The following RAB11FIP1 variants were observed in gnomAD, a reference collection of about 807,000 sequenced individuals.
RAB11FIP1 encodes RAB11 family interacting protein 1, also known as rab11 family-interacting protein 1.
RAB11FIP1 carries 49 observed loss-of-function variants against 83.1 expected under a neutral mutation model. That is an observed-to-expected ratio of 0.59 (90% CI 0.47 to 0.75). The LOEUF is 0.75. Ranked by LOEUF, RAB11FIP1 falls within the 30% of genes least tolerant of loss-of-function variation. The pLI is 0.00. For missense variants in RAB11FIP1, 1,536 were observed against 1,598.7 expected (o/e 0.96, Z 0.67); for synonymous variants, 670 against 656.0 (o/e 1.02, Z -0.33).
chr8:37,874,901 C>T lies in RAB11FIP1; in HGVS notation c.1236G>A (p.Met412Ile), dbSNP rs751747962. Residue 412 changes from methionine (M) to isoleucine (I), a missense_variant, in exon 3 of 6, where the codon ATG becomes ATA. By Grantham distance (10) the Met-to-Ile change is conservative. Coordinates refer to ENST00000330843, the MANE Select transcript of RAB11FIP1 (RefSeq NM_001002814.3). ...PLVSGDLREN[M>I]APANSEATKE... ...TTGTGGCCTCTGAGTTTGCGGGGGC[C>T]ATGTTTTCCCTGAGGTCCCCACTGA... The T allele has an allele frequency of 1.2e-6, 2 of 1,614,146 alleles. No individual in the cohort carries two copies. The highest frequency in any genetic ancestry group is 1.1e-5 in the South Asian group (1 of 91,078).
At position 37,872,490 on chromosome 8, in the gene RAB11FIP1, ACTT is replaced by A. The variant is rs1806493369; in HGVS notation, c.2309_2311del (p.Glu770del). 1 of 1,613,994 alleles carries A rather than the reference ACTT, an allele frequency of 6.2e-7. No individual in the cohort carries two copies. The highest frequency in any genetic ancestry group is 1.3e-5 in the African/African-American group (1 of 74,894). On this transcript the variant is annotated inframe_deletion, in exon 4 of 6. Coordinates refer to ENST00000330843, the MANE Select transcript of RAB11FIP1 (RefSeq NM_001002814.3). ...TGCTCCCATGGGAAGAGGGGGCGCC[ACTT>A]CTTCAGCTGCATCCCTGGCTTTGCT...
chr8:37,876,057 T>C lies in RAB11FIP1; in HGVS notation c.815-735A>G, dbSNP rs553256026. ...TAAAAATACAAAAATTCACCGGGTG[T>C]GGTGGCACGGACCTGGAATCCCAGC... On this transcript the variant is annotated intron_variant, in intron 2 of 5. Coordinates refer to ENST00000330843, the MANE Select transcript of RAB11FIP1 (RefSeq NM_001002814.3). Among the ~76,000 whole-genome samples, 3 of 151,954 alleles carry C rather than the reference T, an allele frequency of 2.0e-5. No individual in the cohort carries two copies. The South Asian group carries it at 6.2e-4, about 32-fold the overall frequency.
intron 1 of RAB11FIP1, among the ~76,000 whole-genome samples, chr8:37,881,287 C>T (rs530115397): frequency 1.3e-5 from 2 of 148,720 alleles, no homozygotes; most frequent in South Asian, 4.1e-4. Context: ...ATCAGTTTCC[C>T]CTATTCTTTC....
Position 37,875,053 on chromosome 8 carries a change from C to T in RAB11FIP1, c.1084G>A (p.Ala362Thr). ...KHLFSSTENL[A>T]AGSWKEPAEG... ...GCAGGCTCCTTCCAAGACCCAGCCG[C>T]CAGGTTCTCTGTAGAAGAGAACAAA... The change falls in exon 3 of 6, where the codon GCG (alanine) becomes ACG (threonine). Residue 362 changes from alanine (A) to threonine (T), a missense_variant. Physicochemically the swap from Ala to Thr is moderately conservative, Grantham distance 58. Transcript: ENST00000330843. The T allele has an allele frequency of 6.2e-7, 1 of 1,614,176 alleles. No individual in the cohort carries two copies. The highest frequency in any genetic ancestry group is 2.2e-5 in the East Asian group (1 of 44,874).
rs757767892 is a variant in RAB11FIP1 at position 37,899,373 on chromosome 8, C to G, written c.69G>C (p.Thr23=). The G allele has an allele frequency of 5.6e-6, 9 of 1,604,114 alleles. No homozygotes were observed. Among genetic ancestry groups the G allele is most frequent in the South Asian group, 3.3e-5 (3 of 90,470 alleles). Residue 23 remains threonine, a synonymous_variant, in exon 1 of 6, where the codon ACG becomes ACC. Coordinates refer to ENST00000330843, the MANE Select transcript of RAB11FIP1 (RefSeq NM_001002814.3). The surrounding 1 kb of genome is among the most constrained non-coding windows in gnomAD (Gnocchi z 4.5). ...AVWSPTHVQV[T]VLQARGLRAK... ...CCCGCAGGCCCCGCGCCTGCAGCACCGTCACCTGCACGTGGGTTGGGGACC... is the reference window on the plus strand; with the variant it reads ...CCCGCAGGCCCCGCGCCTGCAGCACGGTCACCTGCACGTGGGTTGGGGACC...
rs148538236 is a variant in RAB11FIP1 at position 37,870,563 on chromosome 8, C to T, written c.3525-35G>A. The stretch of plus-strand genomic sequence containing the variant: ...AGGGGAAAAGGATCTTTAGACCCTC[C>T]GGTCATGGCAAAACTGAGCAACTGC... On this transcript the variant is annotated intron_variant, in intron 4 of 5. Transcript: ENST00000330843. 2.6e-4 allele frequency: 311 copies of T among 1,197,832 alleles called. No individual in the cohort carries two copies. In the African/African-American group the frequency reaches 4.2e-3, roughly 16 times the overall value. 74.2% of individuals were successfully genotyped at this position (1,197,832 alleles called of 1,614,324 possible).
In RAB11FIP1 at chr8:37,875,130, T is replaced by C; in HGVS notation, c.1007A>G (p.Lys336Arg). ...LEQPEAKGEI[K>R]DSSPSSSPSP... ...TGGGGAGGAGGACGGGCTGCTATCC[T>C]TGATCTCACCCTTGGCTTCTGGCTG... is the stretch of plus-strand genomic sequence containing the variant. Residue 336 changes from lysine to arginine, a missense_variant, in exon 3 of 6, where the codon AAG becomes AGG. Physicochemically the swap from Lys to Arg is conservative, Grantham distance 26. Coordinates refer to ENST00000330843, the MANE Select transcript of RAB11FIP1 (RefSeq NM_001002814.3). The C allele has an allele frequency of 6.2e-7, 1 of 1,614,158 alleles. No homozygotes were observed. The highest frequency in any genetic ancestry group is 8.5e-7 in the Non-Finnish European group (1 of 1,180,006).
At chr8:37,864,886 G>A (rs1806312128) in intron 5 of RAB11FIP1, among the ~76,000 whole-genome samples, 1 of 151,490 alleles carries the variant, frequency 6.6e-6, no homozygotes, top group Non-Finnish European at 1.5e-5. Flanking sequence ...GTCTGGAAAA[G>A]AGCCCTAGCG....
chr8:37,865,849 G>T (rs560122872), intron 5 of RAB11FIP1, among the ~76,000 whole-genome samples: 1 of 152,122 alleles, frequency 6.6e-6, no homozygotes, highest in Non-Finnish European at 1.5e-5. Flanking sequence ...CAAAATGCAC[G>T]AACATAAATC....
chr8:37,876,791 T>C (rs1227593796), intron 2 of RAB11FIP1, among the ~76,000 whole-genome samples: 1 of 151,452 alleles, frequency 6.6e-6, no homozygotes, highest in East Asian at 2.0e-4. Context: ...CAGGAGTATG[T>C]CATCACATCT....
rs752864845 is a variant in RAB11FIP1 at position 37,870,488 on chromosome 8, C to T, written c.3565G>A (p.Val1189Ile). ...VKPMNAMATK[V>I]ANCSLGTATI... is the part of the protein sequence containing the mutation. ...GCAGTTCCCAAGCTGCAGTTAGCAACCTTGGTGGCCATTGCATTCATTGGC... is the reference window on the plus strand; with the variant it reads ...GCAGTTCCCAAGCTGCAGTTAGCAATCTTGGTGGCCATTGCATTCATTGGC... The change falls in exon 5 of 6, where the codon GTT becomes ATT. Residue 1189 changes from valine (V) to isoleucine (I), a missense_variant. Physicochemically the swap from Val to Ile is conservative, Grantham distance 29 (BLOSUM62 3). Transcript: ENST00000330843. The T allele has an allele frequency of 6.2e-6, 10 of 1,608,276 alleles. No homozygotes were observed. Among genetic ancestry groups the T allele is most frequent in the Admixed American group, 1.7e-5 (1 of 59,980 alleles).
rs772804461 is a variant in RAB11FIP1 at position 37,871,671 on chromosome 8, T to G, written c.3131A>C (p.Glu1044Ala). 6.2e-7 allele frequency: 1 copy of G among 1,613,968 alleles called. No homozygotes were observed. Among genetic ancestry groups the G allele is most frequent in the South Asian group, 1.1e-5 (1 of 91,082 alleles). The change falls in exon 4 of 6, where the codon GAG becomes GCG. Residue 1044 changes from glutamate (E) to alanine (A), a missense_variant. Glu to Ala is a moderately radical substitution (Grantham distance 107, BLOSUM62 -1). Coordinates refer to ENST00000330843, the MANE Select transcript of RAB11FIP1 (RefSeq NM_001002814.3). Reference protein sequence around the residue: ...APQASVTAPSEQTTEFGIHKP... With the variant: ...APQASVTAPSAQTTEFGIHKP... Reference sequence around the variant, plus strand: ...GTGAATTCCGAACTCTGTGGTCTGCTCTGAAGGAGCTGTCACAGATGCCTG... The same window carrying G: ...GTGAATTCCGAACTCTGTGGTCTGCGCTGAAGGAGCTGTCACAGATGCCTG...
At chr8:37,877,582 T>G (rs1315868032) in intron 1 of RAB11FIP1, 31 bp from the exon 2 acceptor site, 1 of 1,429,920 alleles carries the variant, frequency 7.0e-7, no homozygotes, top group South Asian at 1.2e-5. Flanking sequence ...GAGTTACCTT[T>G]GAATGGAAGC....
rs1227236813 is a variant in RAB11FIP1, at chr8:37,871,698, G to C, written c.3104C>G (p.Pro1035Arg). ...TGAAGGAGCTGTCACAGATGCCTGGGGTGCTTGCAGCCTGAAATCACACAG... is the reference window on the plus strand; with the variant it reads ...TGAAGGAGCTGTCACAGATGCCTGGCGTGCTTGCAGCCTGAAATCACACAG... ...EGLCDFRLQA[P>R]QASVTAPSEQ... is the part of the protein sequence containing the mutation. The change falls in exon 4 of 6, where the codon CCC (proline) becomes CGC (arginine). Residue 1035 changes from proline (P) to arginine (R), a missense_variant. Pro to Arg is a moderately radical substitution (Grantham distance 103). Coordinates refer to ENST00000330843, the MANE Select transcript of RAB11FIP1 (RefSeq NM_001002814.3). 6.2e-7 allele frequency: 1 copy of C among 1,613,680 alleles called. No homozygotes were observed. The highest frequency in any genetic ancestry group is 1.1e-5 in the South Asian group (1 of 91,084).
intron 1 of RAB11FIP1, chr8:37,878,055 GTTT>G (rs918753073): frequency 6.6e-6 from 1 of 152,348 alleles, no homozygotes; most frequent in African/African-American, 2.4e-5. Flanking sequence ...CTTTTGTTTT[GTTT>G]TTTATTTTGC....
chr8:37,861,559 G>GT lies in RAB11FIP1; in HGVS notation c.*1335dup, dbSNP rs780962572. On this transcript the variant is annotated 3_prime_UTR_variant, in exon 6 of 6. Transcript: ENST00000330843. ...GAAGGGGCTTCTTTTTTTCTTTTTA[G>GT]TTTTTTTTAAGACAGAGTCTTAAAA... is the stretch of plus-strand genomic sequence containing the variant. The GT allele has an allele frequency of 8.9e-5, 39 of 439,642 alleles. 1 individual carries two copies. The highest frequency in any genetic ancestry group is 2.1e-4 in the South Asian group (13 of 61,456). The allele number at this position is 439,642 out of a possible 1,614,324, so 27.2% of individuals were successfully genotyped here.
At chr8:37,868,432 A>G (rs1470154223) in intron 5 of RAB11FIP1, among the ~76,000 whole-genome samples, 1 of 152,048 alleles carries the variant, frequency 6.6e-6, no homozygotes, top group Non-Finnish European at 1.5e-5. Context: ...CAAAAAAAAA[A>G]AAAAAGAAAA....
chr8:37,867,996 C>T (rs373869694), intron 5 of RAB11FIP1, among the ~76,000 whole-genome samples: 95 of 151,884 alleles, frequency 6.3e-4, no homozygotes, highest in Non-Finnish European at 8.4e-4. Context: ...CTGTAGTCCC[C>T]GCTACTTGGG....
At chr8:37,894,697 AATACATATATATACATATATAT>A (rs1269483438) in intron 1 of RAB11FIP1, among the ~76,000 whole-genome samples, 17 of 144,108 alleles carry the variant, frequency 1.2e-4, no homozygotes, top group Admixed American at 5.5e-4. Flanking sequence ...TATATACATA[AATACATATATATACATATATAT>A]ATACATATAT....
Sources: gnomAD v4.1 joint callset for allele counts (sites outside exome capture counted in the v4.1 genomes callset) on GRCh38, gnomAD v4.1.1 for gene constraint, Gnocchi (gnomAD v3.1) non-coding constraint, MANE v1.5 for transcripts, NCBI Gene and HGNC (gene_info 2026-07-23, HGNC 2026-07-21) for gene names.